The following NR5A2 variants were observed in gnomAD, a reference collection of about 807,000 sequenced individuals.
NR5A2 encodes the protein CYP7A promoter-binding factor.
In NR5A2, 26 loss-of-function variants were observed where a neutral mutation model predicts 62.7. That is an observed-to-expected ratio of 0.41 (90% CI 0.30 to 0.58). The LOEUF is 0.58. Among genes scored for constraint, NR5A2 ranks in the 20% least tolerant of loss-of-function variants. The pLI is 0.22. For synonymous variants in NR5A2, 246 were observed against 241.7 expected, an observed-to-expected ratio of 1.02 and a Z score of -0.16; for missense variants, 541 against 669.1, an observed-to-expected ratio of 0.81 and a Z score of 2.11.
intron 5 of NR5A2, among the ~76,000 whole-genome samples, chr1:200,074,809 A>G (rs1360442778): frequency 1.4e-5 from 2 of 144,044 alleles, no homozygotes; most frequent in Non-Finnish European, 3.0e-5. Flanking sequence ...TTAAATCACT[A>G]TGGACTGGAA....
intron 5 of NR5A2, among the ~76,000 whole-genome samples, chr1:200,074,939 T>C (rs1371126105): frequency 6.6e-6 from 1 of 151,998 alleles, no homozygotes; most frequent in Non-Finnish European, 1.5e-5. Flanking sequence ...TATGAAGATA[T>C]GGAATTTAGT....
intron 1 of NR5A2, among the ~76,000 whole-genome samples, chr1:200,037,235 AG>A (rs1177575793): frequency 1.3e-5 from 2 of 152,192 alleles, no homozygotes; most frequent in Non-Finnish European, 2.9e-5. Flanking sequence ...AAGCCAAGGC[AG>A]GGTTTCTTGA....
chr1:200,148,500 C>G (rs1290769831), intron 7 of NR5A2, among the ~76,000 whole-genome samples: 1 of 152,174 alleles, frequency 6.6e-6, no homozygotes, highest in East Asian at 1.9e-4. Flanking sequence ...ACTCTCCCCC[C>G]AATAATCTCA....
intron 5 of NR5A2, among the ~76,000 whole-genome samples, chr1:200,081,525 T>G (rs1664291507): frequency 6.6e-6 from 1 of 152,220 alleles, no homozygotes; most frequent in African/African-American, 2.4e-5. Context: ...CCAGCTCAGA[T>G]GGACACCTCC....
chr1:200,050,672 C>T (rs1662588415), intron 5 of NR5A2, among the ~76,000 whole-genome samples: 1 of 152,176 alleles, frequency 6.6e-6, no homozygotes, highest in Non-Finnish European at 1.5e-5. Flanking sequence ...GGGCGGATCA[C>T]CTGAGGTCAG....
At chr1:200,114,370 A>G (rs1666121086) in intron 6 of NR5A2, among the ~76,000 whole-genome samples, 1 of 152,200 alleles carries the variant, frequency 6.6e-6, no homozygotes, top group Admixed American at 6.5e-5. Flanking sequence ...TGTTATGTTT[A>G]TAATCCAATA....
chr1:200,083,564 C>T (rs1470046369), intron 5 of NR5A2, among the ~76,000 whole-genome samples: 1 of 152,164 alleles, frequency 6.6e-6, no homozygotes, highest in Non-Finnish European at 1.5e-5. Context: ...ATGTGTGTAT[C>T]GTAAAGACCT....
chr1:200,061,997 G>A (rs1263275062), intron 5 of NR5A2, among the ~76,000 whole-genome samples: 2 of 152,130 alleles, frequency 1.3e-5, no homozygotes, highest in Admixed American at 1.3e-4. Flanking sequence ...AGACATAAAG[G>A]ACGGATACAG....
chr1:200,064,424 A>G (rs1434099178), intron 5 of NR5A2, among the ~76,000 whole-genome samples: 1 of 152,230 alleles, frequency 6.6e-6, no homozygotes, highest in African/African-American at 2.4e-5. Flanking sequence ...TCAGGGCGGC[A>G]TCACTAGGAG....
At chr1:200,082,657 G>C (rs1479301232) in intron 5 of NR5A2, among the ~76,000 whole-genome samples, 1 of 152,096 alleles carries the variant, frequency 6.6e-6, no homozygotes. Context: ...TTTCACATTA[G>C]AATGTTTTAA....
chr1:200,121,394 C>T lies in NR5A2; in HGVS notation c.1378+439C>T, dbSNP rs183335610. Reference sequence around the variant, plus strand: ...CTAAAATATGAATCGTAATTAAAAACCTGTATTTAAATCTCTATCGGGATT... The same window carrying T: ...CTAAAATATGAATCGTAATTAAAAATCTGTATTTAAATCTCTATCGGGATT... On this transcript the variant is annotated intron_variant, in intron 7 of 7. Coordinates refer to ENST00000367362, the MANE Select transcript of NR5A2 (RefSeq NM_205860.3). 5.9e-4 allele frequency among the ~76,000 whole-genome samples: 90 copies of T among 152,310 alleles called. 2 individuals carry two copies. Among genetic ancestry groups the T allele is most frequent in the African/African-American group, 2.0e-3 (83 of 41,574 alleles).
intron 1 of NR5A2, chr1:200,038,734 T>A: frequency 7.3e-7 from 1 of 1,366,084 alleles, no homozygotes; most frequent in Non-Finnish European, 9.8e-7. Context: ...TGCTTCTCCT[T>A]CGCCGCCACG....
intron 2 of NR5A2, chr1:200,042,736 C>G (rs1482298984): frequency 2.3e-6 from 2 of 886,322 alleles, no homozygotes; most frequent in Admixed American, 1.2e-4. Context: ...GCCCCGCGCT[C>G]CCATACTTGA....
chr1:200,171,584 A>G (rs1654183029), intron 7 of NR5A2, among the ~76,000 whole-genome samples: 1 of 152,158 alleles, frequency 6.6e-6, no homozygotes, highest in South Asian at 2.1e-4. Context: ...CCCCATCTCT[A>G]CTAAAAATAT....
chr1:200,032,169 C>T (rs1661572433), intron 1 of NR5A2, among the ~76,000 whole-genome samples: 1 of 152,174 alleles, frequency 6.6e-6, no homozygotes, highest in South Asian at 2.1e-4. Context: ...AGTTGCACTT[C>T]CTCACGCTTC....
At chr1:200,036,291 C>T (rs1243123205) in intron 1 of NR5A2, among the ~76,000 whole-genome samples, 1 of 152,202 alleles carries the variant, frequency 6.6e-6, no homozygotes, top group Non-Finnish European at 1.5e-5. Context: ...TTCCTCCTCC[C>T]ACAGCTTCCT....
At chr1:200,155,680 A>T (rs868398988) in intron 7 of NR5A2, among the ~76,000 whole-genome samples, 285 of 146,444 alleles carry the variant, frequency 1.9e-3, no homozygotes, top group African/African-American at 4.2e-3. Context: ...TAATAAAAAA[A>T]TTTTTTTTTT....
chr1:200,120,153 A>G (rs1367586314), intron 6 of NR5A2, among the ~76,000 whole-genome samples: 1 of 152,142 alleles, frequency 6.6e-6, no homozygotes, highest in Non-Finnish European at 1.5e-5. Flanking sequence ...GCTGTTCTAT[A>G]AAGAATAATT....
intron 7 of NR5A2, among the ~76,000 whole-genome samples, chr1:200,129,290 A>T (rs529202921): frequency 1.4e-4 from 21 of 152,310 alleles, no homozygotes; most frequent in Non-Finnish European, 1.9e-4. Context: ...TTTGAAAATG[A>T]AGGCTTTATA....
Sources: gnomAD v4.1 joint callset for allele counts (sites outside exome capture counted in the v4.1 genomes callset) on GRCh38, gnomAD v4.1.1 for gene constraint, MANE v1.5 for transcripts, NCBI Gene and HGNC (gene_info 2026-07-23, HGNC 2026-07-21) for gene names.